The following CPLX4 variants were observed in gnomAD, a reference collection of about 807,000 sequenced individuals.
CPLX4 encodes complexin 4, also known as complexin-4.
CPLX4 carries 17 observed loss-of-function variants against 16.1 expected under a neutral mutation model. That is an observed-to-expected ratio of 1.06 (90% CI 0.72 to 1.59). CPLX4 has a LOEUF of 1.59. CPLX4 is among the 40% of genes most tolerant of loss of function. The pLI is 0.00. For missense variants in CPLX4, 193 were observed against 192.9 expected (o/e 1.00, Z 0.00); for synonymous variants, 55 against 57.8 (o/e 0.95, Z 0.22).
chr18:59,311,982 T>C (rs1402553105), intron 2 of CPLX4, among the ~76,000 whole-genome samples: 1 of 152,158 alleles, frequency 6.6e-6, no homozygotes, highest in Admixed American at 6.5e-5. Context: ...TCCTTTTAAA[T>C]AGAGGTGGAA....
chr18:59,303,151 C>T (rs940930218), intron 2 of CPLX4, among the ~76,000 whole-genome samples: 4 of 152,166 alleles, frequency 2.6e-5, no homozygotes, highest in Admixed American at 2.6e-4. Context: ...AGGCCCTGGG[C>T]TGGGGCATGC....
At chr18:59,300,263 G>A (rs1394931596) in intron 2 of CPLX4, among the ~76,000 whole-genome samples, 1 of 152,212 alleles carries the variant, frequency 6.6e-6, no homozygotes, top group Non-Finnish European at 1.5e-5. Flanking sequence ...AACCTGGGAG[G>A]CAGAGGTTGC....
At chr18:59,301,198 G>A (rs1298843050) in intron 2 of CPLX4, among the ~76,000 whole-genome samples, 3 of 152,238 alleles carry the variant, frequency 2.0e-5, no homozygotes, top group Non-Finnish European at 4.4e-5. Context: ...TAGGCAGGGC[G>A]TTTGGGGTCC....
chr18:59,303,561 G>A (rs2070556093), intron 2 of CPLX4, among the ~76,000 whole-genome samples: 2 of 152,140 alleles, frequency 1.3e-5, no homozygotes, highest in Non-Finnish European at 2.9e-5. Context: ...TGGCTTGTGG[G>A]CTCGGATTGT....
At chr18:59,316,866 CT>C (rs767296179) in intron 1 of CPLX4, among the ~76,000 whole-genome samples, 8 of 152,066 alleles carry the variant, frequency 5.3e-5, no homozygotes, top group Non-Finnish European at 1.0e-4. Flanking sequence ...TTTCATTAGC[CT>C]ACTTGATCTG....
intron 1 of CPLX4, among the ~76,000 whole-genome samples, chr18:59,316,134 A>C (rs1211499154): frequency 6.6e-6 from 1 of 152,250 alleles, no homozygotes; most frequent in East Asian, 1.9e-4. Flanking sequence ...TAACTATGGC[A>C]AAGAAGCATT....
intron 2 of CPLX4, 96 bp from the exon 3 acceptor site, chr18:59,297,021 A>C: frequency 6.7e-7 from 1 of 1,493,690 alleles, no homozygotes. Flanking sequence ...GTCTTTAGAG[A>C]ATACAGGAAG....
chr18:59,307,862 C>T (rs866508945), intron 2 of CPLX4, among the ~76,000 whole-genome samples: 6 of 151,374 alleles, frequency 4.0e-5, no homozygotes, highest in Non-Finnish European at 8.8e-5. Flanking sequence ...AGCAATTCCC[C>T]TGCCTTAGCC....
intron 2 of CPLX4, among the ~76,000 whole-genome samples, chr18:59,302,545 A>C (rs2070549079): frequency 6.6e-6 from 1 of 152,230 alleles, no homozygotes; most frequent in Non-Finnish European, 1.5e-5. Context: ...ATATTGTTTA[A>C]TGCAGTTAAG....
chr18:59,300,472 G>A (rs1046359738), intron 2 of CPLX4, among the ~76,000 whole-genome samples: 1 of 152,156 alleles, frequency 6.6e-6, no homozygotes, highest in African/African-American at 2.4e-5. Context: ...TGTTTTCGTA[G>A]CTATCGGTTT....
At chr18:59,315,868 C>A (rs896376728) in intron 1 of CPLX4, among the ~76,000 whole-genome samples, 5 of 152,144 alleles carry the variant, frequency 3.3e-5, no homozygotes, top group Admixed American at 6.5e-5. Context: ...ACTAATGCCA[C>A]GCAGAGTTAC....
intron 2 of CPLX4, among the ~76,000 whole-genome samples, chr18:59,300,643 G>C (rs957971987): frequency 6.6e-6 from 1 of 152,174 alleles, no homozygotes; most frequent in Non-Finnish European, 1.5e-5. Flanking sequence ...TTGCCTTAGA[G>C]CTGTGGAAGG....
In CPLX4 at chr18:59,318,430, G is replaced by T; in HGVS notation, c.33C>A (p.Asn11Lys). 6.2e-7 allele frequency: 1 copy of T among 1,612,124 alleles called. No individual in the cohort carries two copies. Among genetic ancestry groups the T allele is most frequent in the Non-Finnish European group, 8.5e-7 (1 of 1,179,230 alleles). Residue 11 changes from asparagine (N) to lysine (K), a missense_variant, in exon 1 of 3, where the codon AAC becomes AAA. Transcript: ENST00000299721. The part of the protein sequence containing the change: MAFLMKSMIS[N>K]QVKNLGFGGG... ...CACCAAATCCTAAATTCTTTACCTG[G>T]TTACTTATCATACTTTTCATAAGGA...
intron 2 of CPLX4, among the ~76,000 whole-genome samples, chr18:59,304,889 C>G (rs1001031988): frequency 1.3e-5 from 2 of 149,956 alleles, no homozygotes; most frequent in Admixed American, 1.3e-4. Flanking sequence ...TCTTTCTTTT[C>G]TTTTTCCCCA....
chr18:59,297,010 G>T, intron 2 of CPLX4, 85 bp from the exon 3 acceptor site: 2 of 1,507,654 alleles, frequency 1.3e-6, no homozygotes, highest in Non-Finnish European at 1.8e-6. Context: ...AGCAGGAAAA[G>T]GTCTTTAGAG....
At chr18:59,316,742 A>T (rs1025458379) in intron 1 of CPLX4, among the ~76,000 whole-genome samples, 4 of 152,192 alleles carry the variant, frequency 2.6e-5, no homozygotes, top group African/African-American at 9.6e-5. Flanking sequence ...ATATAAAATT[A>T]AGGAAAACTA....
intron 2 of CPLX4, among the ~76,000 whole-genome samples, chr18:59,312,452 A>ATC (rs1053577123): frequency 6.7e-6 from 1 of 148,200 alleles, no homozygotes; most frequent in African/African-American, 2.5e-5. Flanking sequence ...ATATATATAT[A>ATC]TATCTCCTGA....
At chr18:59,299,135 T>C (rs1275807040) in intron 2 of CPLX4, among the ~76,000 whole-genome samples, 1 of 152,252 alleles carries the variant, frequency 6.6e-6, no homozygotes, top group Non-Finnish European at 1.5e-5. Flanking sequence ...AATTAGTTAG[T>C]TAATCCTTAG....
chr18:59,317,249 A>G (rs1434267315), intron 1 of CPLX4, among the ~76,000 whole-genome samples: 1 of 152,134 alleles, frequency 6.6e-6, no homozygotes, highest in Non-Finnish European at 1.5e-5. Context: ...ACTATTATGT[A>G]ATTGATCATT....
Sources: allele counts gnomAD v4.1 joint callset (sites outside exome capture counted in the v4.1 genomes callset), GRCh38; gene constraint gnomAD v4.1.1; transcripts MANE v1.5; gene names NCBI Gene and HGNC (gene_info 2026-07-23, HGNC 2026-07-21).